Variants in SNX18 observed in about 807,000 individuals in gnomAD.
The protein encoded by SNX18 is sorting nexin 18.
SNX18 carries 35 observed loss-of-function variants against 48.7 expected under a neutral mutation model. The observed-to-expected ratio is 0.72, with a 90% CI of 0.55 to 0.95. SNX18 has a LOEUF of 0.95. SNX18 is among the 40% of genes least tolerant of loss of function. The pLI, the probability that SNX18 is intolerant of heterozygous loss-of-function variation, is 0.00. For missense variants in SNX18, 824 were observed against 871.0 expected (o/e 0.95, Z 0.68); for synonymous variants, 492 against 384.7 (o/e 1.28, Z -3.26).
chr5:54,564,120 G>C, the SNX18 span, among the ~76,000 whole-genome samples: 1 of 152,012 alleles, frequency 6.6e-6, no homozygotes, highest in Admixed American at 6.6e-5. Flanking sequence ...AAAAAAATTA[G>C]CCAGGCGTGA....
Position 54,543,522 on chromosome 5 carries a change from T to C in SNX18, c.*90T>C. 1 of 1,481,442 alleles carries C rather than the reference T, an allele frequency of 6.8e-7. No individual in the cohort carries two copies. Among genetic ancestry groups the C allele is most frequent in the Non-Finnish European group, 9.2e-7 (1 of 1,090,606 alleles). The allele number at this position is 1,481,442 out of a possible 1,614,324, so 91.8% of individuals were successfully genotyped here. On this transcript the variant is annotated 3_prime_UTR_variant, in exon 2 of 2. Transcript: ENST00000381410. ...GCTGTCAAAGAGCTATTGCCAGCTA[T>C]CAGTGGTGGTACAAGGACGGTTTTG...
At chr5:54,612,433 G>T in the SNX18 span, among the ~76,000 whole-genome samples, 5 of 151,842 alleles carry the variant, frequency 3.3e-5, no homozygotes, top group Admixed American at 2.6e-4. Context: ...TACTTTTTTT[G>T]TGTGTATTTT....
the SNX18 span, among the ~76,000 whole-genome samples, chr5:54,593,109 ATAT>A: frequency 6.6e-6 from 1 of 152,108 alleles, no homozygotes; most frequent in East Asian, 1.9e-4. Flanking sequence ...CCCCACAAAT[ATAT>A]TATTGATAGT....
intron 1 of SNX18, among the ~76,000 whole-genome samples, chr5:54,521,367 A>G (rs766971968): frequency 5.3e-5 from 8 of 152,202 alleles, no homozygotes; most frequent in African/African-American, 7.2e-5. Flanking sequence ...TGTGTGTTCT[A>G]ATATCTATTT....
intron 1 of SNX18, among the ~76,000 whole-genome samples, chr5:54,530,028 A>G (rs1762223596): frequency 6.6e-6 from 1 of 152,068 alleles, no homozygotes; most frequent in Non-Finnish European, 1.5e-5. Context: ...GCTCTAGGAG[A>G]GACCCCTCCC....
At chr5:54,633,652 A>C in the SNX18 span, among the ~76,000 whole-genome samples, 2 of 152,258 alleles carry the variant, frequency 1.3e-5, no homozygotes, top group Admixed American at 6.5e-5. Context: ...TAATGCATTT[A>C]CAAGTGCTGT....
chr5:54,586,573 A>G, the SNX18 span, among the ~76,000 whole-genome samples: 8 of 152,358 alleles, frequency 5.3e-5, no homozygotes, highest in Non-Finnish European at 8.8e-5. Flanking sequence ...GACACGGATT[A>G]AATCAAGCTG....
Position 54,531,096 on chromosome 5 carries a change from A to G in SNX18, c.1621+11523A>G, listed in dbSNP as rs549328377. Among the ~76,000 whole-genome samples the G allele has an allele frequency of 2.2e-4, 33 of 152,112 alleles. No homozygotes were observed. In the East Asian group the frequency reaches 6.0e-3, roughly 28 times the overall value. ...CTGCGAGTTCCTGGAAGCATCCTTC[A>G]CTGGTGCACCCTGGCTCCCTGAGGC... is the stretch of plus-strand genomic sequence containing the variant. On this transcript the variant is annotated intron_variant, in intron 1 of 1. Transcript: ENST00000381410.
chr5:54,592,640 GGGCAAT>G, the SNX18 span, among the ~76,000 whole-genome samples: 8 of 152,334 alleles, frequency 5.3e-5, no homozygotes, highest in South Asian at 1.7e-3. Flanking sequence ...GACTGTAACA[GGGCAAT>G]GCATGAATAA....
At chr5:54,620,149 G>A in the SNX18 span, among the ~76,000 whole-genome samples, 3 of 152,220 alleles carry the variant, frequency 2.0e-5, no homozygotes, top group African/African-American at 7.2e-5. Flanking sequence ...TAAGGAAGCA[G>A]ATGTCACAGG....
chr5:54,624,431 A>G, the SNX18 span, among the ~76,000 whole-genome samples: 2 of 152,172 alleles, frequency 1.3e-5, no homozygotes, highest in African/African-American at 4.8e-5. Context: ...ACTTTTCCTG[A>G]TGTATTTACC....
At chr5:54,573,010 C>T in the SNX18 span, among the ~76,000 whole-genome samples, 25 of 150,800 alleles carry the variant, frequency 1.7e-4, no homozygotes, top group African/African-American at 3.2e-4. Flanking sequence ...AATAGCCTCC[C>T]GATGTTTATG....
Position 54,528,197 on chromosome 5 carries a change from A to G in SNX18, c.1621+8624A>G, listed in dbSNP as rs566948816. Reference sequence around the variant, plus strand: ...CTCATTAGTAAGTTTTAGTTATAACATGTTTACTGGGGTCTCGTTTGCTTA... The same window carrying G: ...CTCATTAGTAAGTTTTAGTTATAACGTGTTTACTGGGGTCTCGTTTGCTTA... On this transcript the variant is annotated intron_variant, in intron 1 of 1. Transcript: ENST00000381410. Among the ~76,000 whole-genome samples the G allele has an allele frequency of 3.9e-5, 6 of 152,238 alleles. No individual in the cohort carries two copies. In the East Asian group the frequency reaches 1.2e-3, roughly 29 times the overall value.
At chr5:54,586,680 A>G in the SNX18 span, among the ~76,000 whole-genome samples, 1 of 152,220 alleles carries the variant, frequency 6.6e-6, no homozygotes, top group Non-Finnish European at 1.5e-5. Context: ...TGGCCTAATC[A>G]CTTCTTAAAG....
chr5:54,637,106 G>A, the SNX18 span, among the ~76,000 whole-genome samples: 2 of 152,182 alleles, frequency 1.3e-5, no homozygotes, highest in Non-Finnish European at 2.9e-5. Context: ...GTGGATGTGT[G>A]ACAATTGGTA....
chr5:54,628,692 C>A, the SNX18 span, among the ~76,000 whole-genome samples: 3 of 152,196 alleles, frequency 2.0e-5, no homozygotes, highest in Non-Finnish European at 4.4e-5. Flanking sequence ...ATGACTTGGC[C>A]TCCACCCAAT....
the SNX18 span, among the ~76,000 whole-genome samples, chr5:54,570,561 G>C: frequency 6.6e-6 from 1 of 152,126 alleles, no homozygotes; most frequent in Non-Finnish European, 1.5e-5. Flanking sequence ...ATTAGCATGA[G>C]CTTATATTCT....
intron 1 of SNX18, 128 bp downstream of exon 1, chr5:54,519,701 G>A (rs770812739): frequency 1.2e-5 from 20 of 1,614,098 alleles, no homozygotes; most frequent in Non-Finnish European, 1.6e-5. Context: ...GCAGAGACGT[G>A]GACGCCTGGG....
At chr5:54,624,614 G>T in the SNX18 span, among the ~76,000 whole-genome samples, 1 of 152,140 alleles carries the variant, frequency 6.6e-6, no homozygotes, top group Non-Finnish European at 1.5e-5. Flanking sequence ...CAAAGCCAAC[G>T]TTTCAAAATT....
Sources: gnomAD v4.1 joint callset for allele counts (sites outside exome capture counted in the v4.1 genomes callset) on GRCh38, gnomAD v4.1.1 for gene constraint, MANE v1.5 for transcripts, NCBI Gene and HGNC (gene_info 2026-07-23, HGNC 2026-07-21) for gene names.